GRIN2B: variants seen among roughly 807,000 people sequenced by gnomAD.
GRIN2B encodes glutamate receptor ionotropic, NMDA 2B.
Under a neutral mutation model 114.5 loss-of-function variants are expected in GRIN2B, and 5 were observed. The observed-to-expected ratio is 0.04, with a 90% CI of 0.02 to 0.09. GRIN2B has a LOEUF of 0.09. Ranked by LOEUF, GRIN2B falls within the 10% of genes least tolerant of loss-of-function variation. GRIN2B has a pLI of 1.00. For missense variants in GRIN2B, 1,108 were observed against 1,943.5 expected, an observed-to-expected ratio of 0.57 and a Z score of 8.08; for synonymous variants, 787 against 745.1, an observed-to-expected ratio of 1.06 and a Z score of -0.92.
At chr12:13,812,950 T>G (rs1864760774) in intron 3 of GRIN2B, among the ~76,000 whole-genome samples, 2 of 150,164 alleles carry the variant, frequency 1.3e-5, no homozygotes, top group African/African-American at 4.9e-5. Context: ...TTTTTTTTTT[T>G]TTGAGACAGA....
intron 2 of GRIN2B, among the ~76,000 whole-genome samples, chr12:13,890,747 A>G (rs1309010405): frequency 6.6e-6 from 1 of 152,162 alleles, no homozygotes; most frequent in Non-Finnish European, 1.5e-5. Context: ...AGGATTGAAC[A>G]TGGAAGGGCC....
intron 2 of GRIN2B, among the ~76,000 whole-genome samples, chr12:13,971,844 G>C (rs1198131517): frequency 6.6e-6 from 1 of 152,092 alleles, no homozygotes; most frequent in African/African-American, 2.4e-5. Context: ...TCAACACCAG[G>C]CCAGTGTTAG....
intron 3 of GRIN2B, among the ~76,000 whole-genome samples, chr12:13,831,472 G>A (rs1470011598): frequency 6.6e-6 from 1 of 152,162 alleles, no homozygotes; most frequent in Non-Finnish European, 1.5e-5. Context: ...GGCCCAACAG[G>A]CATGGAGTCA....
chr12:13,800,919 T>G (rs969238395), intron 3 of GRIN2B, among the ~76,000 whole-genome samples: 6 of 152,210 alleles, frequency 3.9e-5, no homozygotes, highest in Non-Finnish European at 7.3e-5. Context: ...GCTAGGTCTA[T>G]ATATGTTATT....
At chr12:13,973,033 G>T (rs1164206078) in intron 2 of GRIN2B, among the ~76,000 whole-genome samples, 1 of 152,174 alleles carries the variant, frequency 6.6e-6, no homozygotes, top group African/African-American at 2.4e-5. Flanking sequence ...GCCCCTAGAA[G>T]GTGGGAGGAT....
intron 4 of GRIN2B, among the ~76,000 whole-genome samples, chr12:13,702,638 C>T (rs1052862305): frequency 2.6e-5 from 4 of 152,194 alleles, no homozygotes; most frequent in Non-Finnish European, 5.9e-5. Context: ...CTATCCATCC[C>T]TGAGAGCCAG....
intron 4 of GRIN2B, among the ~76,000 whole-genome samples, chr12:13,678,472 G>C (rs1431956422): frequency 5.9e-5 from 9 of 152,032 alleles, no homozygotes; most frequent in Non-Finnish European, 1.3e-4. Context: ...GTCCTTTCCT[G>C]ACACCAGCCT....
intron 2 of GRIN2B, among the ~76,000 whole-genome samples, chr12:13,905,189 GC>G (rs1377991239): frequency 6.6e-6 from 1 of 152,028 alleles, no homozygotes; most frequent in Non-Finnish European, 1.5e-5. Context: ...TATTTTTTCT[GC>G]CTATTTTCTC....
At chr12:13,932,036 C>A (rs1222857152) in intron 2 of GRIN2B, among the ~76,000 whole-genome samples, 1 of 152,224 alleles carries the variant, frequency 6.6e-6, no homozygotes, top group Non-Finnish European at 1.5e-5. Context: ...AATAAAATGA[C>A]TTTCCATTAT....
chr12:13,931,262 G>A lies in GRIN2B; in HGVS notation c.-19+48666C>T, dbSNP rs56966727. Among the ~76,000 whole-genome samples the A allele has an allele frequency of 1.3e-4, 20 of 152,228 alleles. No homozygotes were observed. The East Asian group carries it at 3.1e-3, about 23-fold the overall frequency. Reference sequence around the variant, plus strand: ...CTCTACTGAAATTGCTTGCATAGACGTCACCAGTAATCCCCATATCACCAA... The same window carrying A: ...CTCTACTGAAATTGCTTGCATAGACATCACCAGTAATCCCCATATCACCAA... On this transcript the variant is annotated intron_variant, in intron 2 of 13. Transcript: ENST00000609686.
intron 3 of GRIN2B, among the ~76,000 whole-genome samples, chr12:13,771,700 G>A (rs1246834527): frequency 6.6e-6 from 1 of 152,204 alleles, no homozygotes; most frequent in African/African-American, 2.4e-5. Flanking sequence ...AACTTCCCTG[G>A]TTCATTAAGT....
rs1000750259 is a variant in GRIN2B, at chr12:13,542,281, A to T, written c.*20502T>A. On this transcript the variant is annotated 3_prime_UTR_variant, in exon 14 of 14. Transcript: ENST00000609686. ...TTAAAGATGAACAAGGAGTAAGGTA[A>T]GTAAGAACAAATAATTATGACCCCC... 1 of 152,280 alleles carries T rather than the reference A, an allele frequency of 6.6e-6. No homozygotes were observed. Among genetic ancestry groups the T allele is most frequent in the South Asian group, 2.1e-4 (1 of 4,824 alleles). The allele number at this position is 152,280 out of a possible 1,614,324, so 9.4% of individuals were successfully genotyped here.
chr12:13,921,469 C>T (rs1004589136), intron 2 of GRIN2B, among the ~76,000 whole-genome samples: 14 of 152,148 alleles, frequency 9.2e-5, no homozygotes, highest in African/African-American at 2.4e-4. Context: ...ATAACTCTTG[C>T]AGAAGGCTAC....
intron 2 of GRIN2B, among the ~76,000 whole-genome samples, chr12:13,958,971 G>C (rs996341169): frequency 3.9e-5 from 6 of 152,108 alleles, no homozygotes; most frequent in African/African-American, 1.4e-4. Flanking sequence ...AAAAAAAAAG[G>C]GGGTGGAGGG....
intron 4 of GRIN2B, among the ~76,000 whole-genome samples, chr12:13,707,606 T>G (rs2136576116): frequency 6.6e-6 from 1 of 152,230 alleles, no homozygotes; most frequent in Non-Finnish European, 1.5e-5. Flanking sequence ...AATCAATGCA[T>G]TTTTTGAACA....
intron 2 of GRIN2B, among the ~76,000 whole-genome samples, chr12:13,930,995 T>A (rs542688096): frequency 2.0e-5 from 3 of 152,176 alleles, no homozygotes; most frequent in Non-Finnish European, 2.9e-5. Flanking sequence ...ACTGTAAACA[T>A]AGAATATTCA....
At chr12:13,680,921 T>C (rs1015168665) in intron 4 of GRIN2B, among the ~76,000 whole-genome samples, 1 of 152,162 alleles carries the variant, frequency 6.6e-6, no homozygotes, top group Non-Finnish European at 1.5e-5. Context: ...CTCAGAATCC[T>C]GATGGGCTCA....
chr12:13,852,139 T>C (rs770587149), intron 3 of GRIN2B, among the ~76,000 whole-genome samples: 2 of 152,160 alleles, frequency 1.3e-5, no homozygotes, highest in Non-Finnish European at 2.9e-5. Flanking sequence ...ATGCCAGGAA[T>C]CCTCAGTTCA....
At chr12:13,921,835 G>A (rs527761771) in intron 2 of GRIN2B, among the ~76,000 whole-genome samples, 18 of 152,232 alleles carry the variant, frequency 1.2e-4, no homozygotes, top group South Asian at 4.1e-4. Flanking sequence ...GTAGGCATGC[G>A]ATAGATATAT....
Sources: gnomAD v4.1 joint callset for allele counts (sites outside exome capture counted in the v4.1 genomes callset) on GRCh38, gnomAD v4.1.1 for gene constraint, MANE v1.5 for transcripts, NCBI Gene and HGNC (gene_info 2026-07-23, HGNC 2026-07-21) for gene names.